Variants in FCRLA observed in about 807,000 individuals in gnomAD.
The protein encoded by FCRLA is Fc receptor like A, also known as Fc receptor-like A.
A neutral mutation model predicts 28.4 loss-of-function variants in FCRLA; 26 were observed. The observed-to-expected ratio is 0.91, with a 90% CI of 0.67 to 1.27. The LOEUF (loss-of-function observed/expected upper bound fraction) is 1.27, where lower values mean the gene tolerates loss of function less well. FCRLA is among the 50% of genes most tolerant of loss of function. FCRLA has a pLI of 0.00. For synonymous variants in FCRLA, 174 were observed against 168.5 expected (o/e 1.03, Z -0.25); for missense variants, 422 against 433.1 (o/e 0.97, Z 0.23).
chr1:161,710,958 C>A, intron 2 of FCRLA, 46 bp downstream of exon 2: 1 of 1,605,598 alleles, frequency 6.2e-7, no homozygotes, highest in Non-Finnish European at 8.5e-7. Flanking sequence ...CCCCTTCTTT[C>A]AGCCTCAGAG....
chr1:161,711,588 G>A (rs1036428891), intron 3 of FCRLA, 114 bp downstream of exon 3: 18 of 1,379,376 alleles, frequency 1.3e-5, no homozygotes, highest in Non-Finnish European at 1.6e-5. Context: ...TATGGAGCAG[G>A]TTGCTGGCAA....
intron 3 of FCRLA, 60 bp downstream of exon 3, chr1:161,711,534 A>T (rs1352994307): frequency 1.3e-6 from 2 of 1,549,140 alleles, no homozygotes; most frequent in African/African-American, 2.7e-5. Flanking sequence ...AGGGAGCCCA[A>T]ATTGTCTTTC....
chr1:161,712,629 G>C (rs548608910), intron 4 of FCRLA, among the ~76,000 whole-genome samples: 1 of 152,174 alleles, frequency 6.6e-6, no homozygotes, highest in Non-Finnish European at 1.5e-5. Flanking sequence ...GGGTGATAAG[G>C]GGGCTTAAAG....
Position 161,710,813 on chromosome 1 carries a change from A to AGCT in FCRLA, c.136_138dup (p.Cys46dup). 2.5e-6 allele frequency: 4 copies of AGCT among 1,614,110 alleles called. No homozygotes were observed. The highest frequency in any genetic ancestry group is 3.4e-6 in the Non-Finnish European group (4 of 1,180,008). On this transcript the variant is annotated inframe_insertion, in exon 2 of 5. Transcript: ENST00000236938. The stretch of plus-strand genomic sequence containing the variant: ...GGGACCTGTCTGCACTGAGGAGAGC[A>AGCT]GCTGCCACACGGAGGATGACTTGAC...
chr1:161,712,657 T>A (rs1317428677), intron 4 of FCRLA, among the ~76,000 whole-genome samples: 1 of 151,934 alleles, frequency 6.6e-6, no homozygotes, highest in Non-Finnish European at 1.5e-5. Context: ...ATATGAAAAA[T>A]AATGGAAGGG....
chr1:161,711,816 G>A, intron 3 of FCRLA, 118 bp from the exon 4 acceptor site: 2 of 1,216,942 alleles, frequency 1.6e-6, no homozygotes, highest in Non-Finnish European at 1.2e-6. Context: ...ATCTAAGAGA[G>A]CCCATTCCTG....
Position 161,712,033 on chromosome 1 carries a change from G to A in FCRLA, c.599G>A (p.Arg200Lys), listed in dbSNP as rs1411002384. Residue 200 changes from arginine (R) to lysine (K), a missense_variant, in exon 4 of 5, where the codon AGG (arginine) becomes AAG (lysine). By Grantham distance (26) the Arg-to-Lys change is conservative. This residue lies in a region of FCRLA where 185 missense variants were observed against 198.1 expected (regional missense o/e 0.93). Transcript: ENST00000236938. ...LSCQTKLPLQ[R>K]SAARLLFSFY... ...TGTCAGACAAAGTTGCCCCTGCAGAGGTCAGCTGCCCGCCTCCTCTTCTCC... is the reference window on the plus strand; with the variant it reads ...TGTCAGACAAAGTTGCCCCTGCAGAAGTCAGCTGCCCGCCTCCTCTTCTCC... The A allele has an allele frequency of 6.2e-7, 1 of 1,614,184 alleles. No homozygotes were observed. Among genetic ancestry groups the A allele is most frequent in the East Asian group, 2.2e-5 (1 of 44,882 alleles).
chr1:161,710,349 T>C, intron 1 of FCRLA: 1 of 827,086 alleles, frequency 1.2e-6, no homozygotes, highest in East Asian at 2.7e-5. Context: ...AGTTAGATAC[T>C]GCACACAAGT....
At position 161,713,154 on chromosome 1, in the gene FCRLA, C is replaced by A; in HGVS notation, c.854C>A (p.Ala285Asp). 1 of 1,614,216 alleles carries A rather than the reference C, an allele frequency of 6.2e-7. No individual in the cohort carries two copies. Among genetic ancestry groups the A allele is most frequent in the Non-Finnish European group, 8.5e-7 (1 of 1,180,044 alleles). The change falls in exon 5 of 5, where the codon GCT (alanine) becomes GAT (aspartate). Residue 285 changes from alanine (A) to aspartate (D), a missense_variant. Transcript: ENST00000236938. ...CAGAAATCAGCTGCTCCAGGAACTG[C>A]TCCTGAGGAGGCCCCTGGGCCTCTG... ...APQKSAAPGT[A>D]PEEAPGPLPP...
intron 3 of FCRLA, 70 bp downstream of exon 3, chr1:161,711,544 C>T: frequency 6.5e-7 from 1 of 1,533,802 alleles, no homozygotes; most frequent in South Asian, 1.3e-5. Context: ...AATTGTCTTT[C>T]TTTAGCCTGG....
intron 3 of FCRLA, 43 bp downstream of exon 3, chr1:161,711,517 G>A: frequency 1.9e-6 from 3 of 1,568,352 alleles, no homozygotes; most frequent in Non-Finnish European, 1.7e-6. Context: ...GGAGGGTAAG[G>A]AGAGACAGGG....
At chr1:161,710,582 G>A (rs999399940) in intron 1 of FCRLA, 178 bp from the exon 2 acceptor site, 4 of 1,462,870 alleles carry the variant, frequency 2.7e-6, no homozygotes, top group Admixed American at 3.9e-5. Context: ...AGTGAATCAA[G>A]GTCAAAACTA....
chr1:161,709,671 C>T (rs887688799), intron 1 of FCRLA, among the ~76,000 whole-genome samples: 3 of 151,702 alleles, frequency 2.0e-5, no homozygotes, highest in Non-Finnish European at 4.4e-5. Flanking sequence ...AAGTGGGGCA[C>T]GAAATGACAG....
In FCRLA at chr1:161,712,346, G is replaced by A. The variant is rs544199398; in HGVS notation, c.784+128G>A. 4 of 1,099,464 alleles carry A rather than the reference G, an allele frequency of 3.6e-6. No homozygotes were observed. In the East Asian group the frequency reaches 7.3e-5, roughly 20 times the overall value. The allele number at this position is 1,099,464 out of a possible 1,614,324, so 68.1% of individuals were successfully genotyped here. A position where few individuals can be genotyped will look rare whatever the true frequency, so the allele number is the denominator to read the frequency against. On this transcript the variant is annotated intron_variant, in intron 4 of 4. Coordinates refer to ENST00000236938, the MANE Select transcript of FCRLA (RefSeq NM_032738.4). Reference sequence around the variant, plus strand: ...TTAAGAAGGGACACAGAGGGGGCAGGAACAATGGGCCAGAATCCCTGATGA... The same window carrying A: ...TTAAGAAGGGACACAGAGGGGGCAGAAACAATGGGCCAGAATCCCTGATGA...
rs761063293 is a variant in FCRLA at position 161,707,239 on chromosome 1, T to A, written c.-26T>A. On this transcript the variant is annotated 5_prime_UTR_variant, in exon 1 of 5. The change creates a new upstream start codon in the 5' untranslated region. Transcript: ENST00000236938. ...ATGTTGAAGAAAATCAGTGTTGGGGTTGCAGGAGACCTAAACACAGTCACC... is the reference window on the plus strand; with the variant it reads ...ATGTTGAAGAAAATCAGTGTTGGGGATGCAGGAGACCTAAACACAGTCACC... The A allele has an allele frequency of 6.2e-7, 1 of 1,614,068 alleles. No individual in the cohort carries two copies. The highest frequency in any genetic ancestry group is 2.2e-5 in the East Asian group (1 of 44,886).
chr1:161,712,194 C>T lies in FCRLA; in HGVS notation c.760C>T (p.Pro254Ser). Residue 254 changes from proline to serine, a missense_variant, in exon 4 of 5, where the codon CCC (proline) becomes TCC (serine). Physicochemically the swap from Pro to Ser is moderately conservative, Grantham distance 74. This residue lies in a region of FCRLA where 185 missense variants were observed against 198.1 expected (regional missense o/e 0.93). Coordinates refer to ENST00000236938, the MANE Select transcript of FCRLA (RefSeq NM_032738.4). The part of the protein sequence containing the change: ...TEDNQVWKQS[P>S]QLEIRVQGAS... ...GGACAACCAAGTTTGGAAACAGAGCCCCCAGCTAGAGATCAGAGTGCAGGG... is the reference window on the plus strand; with the variant it reads ...GGACAACCAAGTTTGGAAACAGAGCTCCCAGCTAGAGATCAGAGTGCAGGG... 6.2e-7 allele frequency: 1 copy of T among 1,613,634 alleles called. No homozygotes were observed. The highest frequency in any genetic ancestry group is 1.3e-5 in the African/African-American group (1 of 75,022).
Position 161,712,150 on chromosome 1 carries a change from G to T in FCRLA, c.716G>T (p.Trp239Leu), listed in dbSNP as rs144506779. 1.9e-5 allele frequency: 30 copies of T among 1,614,098 alleles called. No homozygotes were observed. The highest frequency in any genetic ancestry group is 8.3e-5 in the Admixed American group (5 of 60,006). The change falls in exon 4 of 5, where the codon TGG becomes TTG. Residue 239 changes from tryptophan to leucine, a missense_variant. Coordinates refer to ENST00000236938, the MANE Select transcript of FCRLA (RefSeq NM_032738.4). ...TASEDHSGSY[W>L]CEAATEDNQV... ...TCAGAAGATCACTCCGGGTCATACT[G>T]GTGTGAGGCAGCCACTGAGGACAAC...
chr1:161,713,241 A>T lies in FCRLA; in HGVS notation c.941A>T (p.Asp314Val). 5 of 1,614,200 alleles carry T rather than the reference A, an allele frequency of 3.1e-6. No homozygotes were observed. Among genetic ancestry groups the T allele is most frequent in the Non-Finnish European group, 4.2e-6 (5 of 1,180,040 alleles). ...PGFSSPLGMP[D>V]PHLYHQMGLL... is the part of the protein sequence containing the mutation. The stretch of plus-strand genomic sequence containing the variant: ...TTTTCTTCTCCTCTGGGGATGCCAG[A>T]TCCTCATCTGTATCACCAGATGGGC... The change falls in exon 5 of 5, where the codon GAT becomes GTT. Residue 314 changes from aspartate (D) to valine (V), a missense_variant. This residue lies in a region of FCRLA where 185 missense variants were observed against 198.1 expected (regional missense o/e 0.93). Transcript: ENST00000236938.
In FCRLA at chr1:161,713,406, A is replaced by C; in HGVS notation, c.*26A>C. 242 of 1,546,656 alleles carry C rather than the reference A, an allele frequency of 1.6e-4. No individual in the cohort carries two copies. The highest frequency in any genetic ancestry group is 2.0e-4 in the Non-Finnish European group (224 of 1,130,162). On this transcript the variant is annotated 3_prime_UTR_variant, in exon 5 of 5. Transcript: ENST00000236938. Reference sequence around the variant, plus strand: ...AAGTAAACAGTTCATCCATGATCTCACTTAACCACCCCAATAAATCTGATT... The same window carrying C: ...AAGTAAACAGTTCATCCATGATCTCCCTTAACCACCCCAATAAATCTGATT...
Sources: gnomAD v4.1 joint callset for allele counts (sites outside exome capture counted in the v4.1 genomes callset) on GRCh38, gnomAD v4.1.1 for gene constraint, gnomAD v4.1.1 regional missense constraint, MANE v1.5 for transcripts, NCBI Gene and HGNC (gene_info 2026-07-23, HGNC 2026-07-21) for gene names.